NTRK3: variants seen among roughly 807,000 people sequenced by gnomAD.
The protein encoded by NTRK3 is NT-3 growth factor receptor.
In NTRK3, 24 loss-of-function variants were observed where a neutral mutation model predicts 91.7. That is an observed-to-expected ratio of 0.26 (90% CI 0.19 to 0.37). NTRK3 has a LOEUF of 0.37. Ranked by LOEUF, NTRK3 falls within the 10% of genes least tolerant of loss-of-function variation. NTRK3 has a pLI of 1.00. For missense variants in NTRK3, 880 were observed against 1,068.9 expected (o/e 0.82, Z 2.46); for synonymous variants, 483 against 404.0 (o/e 1.20, Z -2.34).
chr15:88,163,455 C>T (rs2044651328), intron 5 of NTRK3, among the ~76,000 whole-genome samples: 3 of 152,228 alleles, frequency 2.0e-5, no homozygotes, highest in Non-Finnish European at 4.4e-5. Flanking sequence ...TTTCCCCACT[C>T]ACATGCTCCC....
At chr15:88,086,600 G>A (rs427385) in intron 13 of NTRK3, among the ~76,000 whole-genome samples, 1 of 152,140 alleles carries the variant, frequency 6.6e-6, no homozygotes, top group Non-Finnish European at 1.5e-5. Context: ...CCAGACTCTA[G>A]ACCTAAATTT....
chr15:88,159,289 C>T (rs558783763), intron 5 of NTRK3, among the ~76,000 whole-genome samples: 15 of 152,208 alleles, frequency 9.9e-5, no homozygotes, highest in Non-Finnish European at 1.8e-4. Context: ...TCTGATTAGG[C>T]CAACGCTGCA....
chr15:88,238,223 C>G (rs1398736767), intron 3 of NTRK3, among the ~76,000 whole-genome samples: 1 of 152,158 alleles, frequency 6.6e-6, no homozygotes, highest in Non-Finnish European at 1.5e-5. Context: ...TTTTAAGCCA[C>G]CCAGTCTGTG....
intron 17 of NTRK3, among the ~76,000 whole-genome samples, chr15:87,881,571 T>C (rs755483948): frequency 9.9e-5 from 15 of 151,898 alleles, no homozygotes; most frequent in African/African-American, 2.9e-4. Context: ...AGGTGCCCGC[T>C]GCCACACCCG....
rs573707512 is a variant in NTRK3 at position 87,952,291 on chromosome 15, A to C, written c.1586-11538T>G. Among the ~76,000 whole-genome samples, 15 of 151,996 alleles carry C rather than the reference A, an allele frequency of 9.9e-5. 1 individual carries two copies. In the South Asian group the frequency reaches 2.9e-3, roughly 30 times the overall value. On this transcript the variant is annotated intron_variant, in intron 14 of 18. Transcript: ENST00000394480. Reference sequence around the variant, plus strand: ...AGGAAGGAAAGAAAGAAAGAAAAGAAAGACTCCTCTTTCCTCTTCTTCCTA... The same window carrying C: ...AGGAAGGAAAGAAAGAAAGAAAAGACAGACTCCTCTTTCCTCTTCTTCCTA...
chr15:88,151,418 A>G (rs1011004053), intron 5 of NTRK3, among the ~76,000 whole-genome samples: 1 of 152,140 alleles, frequency 6.6e-6, no homozygotes, highest in African/African-American at 2.4e-5. Context: ...CACCTCTGGC[A>G]TTAACCCCAT....
chr15:88,081,595 C>A (rs547652643), intron 13 of NTRK3, among the ~76,000 whole-genome samples: 37 of 152,352 alleles, frequency 2.4e-4, no homozygotes, highest in African/African-American at 8.4e-4. Context: ...CACGCCCAGT[C>A]CCTCTGAATC....
chr15:88,061,932 C>T (rs757381717), intron 13 of NTRK3, among the ~76,000 whole-genome samples: 3 of 152,200 alleles, frequency 2.0e-5, no homozygotes, highest in South Asian at 4.2e-4. Flanking sequence ...AATCGACCTT[C>T]GGTATCTGTG....
chr15:88,231,462 T>C (rs913477875), intron 3 of NTRK3, among the ~76,000 whole-genome samples: 3 of 147,218 alleles, frequency 2.0e-5, no homozygotes, highest in South Asian at 4.2e-4. Flanking sequence ...CCCAAGTATA[T>C]GTAAATACAC....
rs145157285 is a variant in NTRK3 at position 88,135,310 on chromosome 15, G to A, written c.995C>T (p.Thr332Met). 152 of 1,614,174 alleles carry A rather than the reference G, an allele frequency of 9.4e-5. 1 individual carries two copies. The East Asian group carries it at 1.3e-3, about 14-fold the overall frequency. The change falls in exon 10 of 19, where the codon ACG (threonine) becomes ATG (methionine). Residue 332 changes from threonine (T) to methionine (M), a missense_variant. This residue lies in a region of NTRK3 where 743 missense variants were observed against 868.6 expected (regional missense o/e 0.86). Transcript: ENST00000394480. ...CTGCCCATTGTGCAGCCAGTGCAGC[G>A]TTGGTGGGGGGTTGCCACGCACCAC...
At chr15:87,924,848 G>A (rs1399497764) in intron 17 of NTRK3, among the ~76,000 whole-genome samples, 1 of 152,132 alleles carries the variant, frequency 6.6e-6, no homozygotes. Context: ...AGGACAGCAG[G>A]ATGAACAGAA....
chr15:88,049,290 T>A (rs1347018396), intron 13 of NTRK3, among the ~76,000 whole-genome samples: 1 of 152,036 alleles, frequency 6.6e-6, no homozygotes, highest in Non-Finnish European at 1.5e-5. Flanking sequence ...CAAGAGTTTA[T>A]GTTCCCAGGG....
intron 13 of NTRK3, among the ~76,000 whole-genome samples, chr15:88,077,770 T>C (rs2047680656): frequency 1.3e-5 from 2 of 152,314 alleles, no homozygotes; most frequent in Admixed American, 1.3e-4. Context: ...AGTTGGGATG[T>C]GGCCCCGTTT....
At chr15:87,955,697 C>CA (rs1033872793) in intron 14 of NTRK3, among the ~76,000 whole-genome samples, 2 of 152,158 alleles carry the variant, frequency 1.3e-5, no homozygotes, top group African/African-American at 4.8e-5. Flanking sequence ...CAGGCACGAC[C>CA]ATTGGCCCCA....
At chr15:87,970,947 T>C (rs1216340348) in intron 14 of NTRK3, among the ~76,000 whole-genome samples, 1 of 152,164 alleles carries the variant, frequency 6.6e-6, no homozygotes, top group African/African-American at 2.4e-5. Context: ...AATAAAATTA[T>C]TAAGATGGCC....
intron 17 of NTRK3, among the ~76,000 whole-genome samples, chr15:87,897,760 C>T: frequency 6.6e-6 from 1 of 152,078 alleles, no homozygotes; most frequent in East Asian, 1.9e-4. Context: ...TAATTTCTTT[C>T]AAATAAGATT....
intron 14 of NTRK3, among the ~76,000 whole-genome samples, chr15:87,968,684 C>T (rs1391971610): frequency 1.3e-5 from 2 of 152,174 alleles, no homozygotes; most frequent in South Asian, 2.1e-4. Context: ...CAAAAGTTGA[C>T]TCCATGTGTT....
intron 13 of NTRK3, chr15:88,099,137 A>G (rs16941254): frequency 4.3e-6 from 1 of 230,826 alleles, no homozygotes; most frequent in Non-Finnish European, 8.6e-6. Flanking sequence ...GAGGCTGAAG[A>G]TCATCCAGGA....
At position 88,180,584 on chromosome 15, in the gene NTRK3, C is replaced by T. The variant is rs558621522; in HGVS notation, c.395+2834G>A. 1.1e-4 allele frequency among the ~76,000 whole-genome samples: 16 copies of T among 150,918 alleles called. No individual in the cohort carries two copies. The South Asian group carries it at 2.1e-3, about 20-fold the overall frequency. ...GAGACAGTTCAACCAATCAGAACAA[C>T]TTGACCAATCTGACATCAGTACTAG... On this transcript the variant is annotated intron_variant, in intron 5 of 18. Coordinates refer to ENST00000394480, the Ensembl canonical transcript of NTRK3.
Sources: allele counts gnomAD v4.1 joint callset (sites outside exome capture counted in the v4.1 genomes callset), GRCh38; gene constraint gnomAD v4.1.1; regional missense constraint gnomAD v4.1.1; transcripts MANE v1.5; gene names NCBI Gene and HGNC (gene_info 2026-07-23, HGNC 2026-07-21).